The following RYR2 variants were observed in gnomAD, a reference collection of about 807,000 sequenced individuals.
RYR2 encodes cardiac muscle ryanodine receptor-calcium release channel.
RYR2 carries 227 observed loss-of-function variants against 601.1 expected under a neutral mutation model. The ratio of observed to expected loss-of-function variants is 0.38; its 90% CI spans 0.34 to 0.42. The LOEUF (loss-of-function observed/expected upper bound fraction) is 0.42, where lower values mean the gene tolerates loss of function less well. Ranked by LOEUF, RYR2 falls within the 10% of genes least tolerant of loss-of-function variation. RYR2 has a pLI of 1.00. For missense variants in RYR2, 4,646 were observed against 6,156.5 expected (o/e 0.75, Z 8.21); for synonymous variants, 2,223 against 2,175.1 (o/e 1.02, Z -0.61).
rs546099952 is a variant in RYR2, at chr1:237,758,111, G to A, written c.11325+335G>A. On this transcript the variant is annotated intron_variant, in intron 82 of 104. Transcript: ENST00000366574. ...GGAACCTGGCAGGGGTAACCAGCTC[G>A]TTCTGTTCCCAGAATAAGTGATTAT... Among the ~76,000 whole-genome samples the A allele has an allele frequency of 9.2e-5, 14 of 152,160 alleles. No individual in the cohort carries two copies. In the East Asian group the frequency reaches 2.3e-3, roughly 25 times the overall value.
chr1:237,102,507 A>G (rs948178562), intron 1 of RYR2, among the ~76,000 whole-genome samples: 1 of 152,146 alleles, frequency 6.6e-6, no homozygotes, highest in African/African-American at 2.4e-5. Context: ...GGAAATAAAC[A>G]CTCAGATGTT....
At chr1:237,500,997 A>G (rs1351930061) in intron 21 of RYR2, 94 bp downstream of exon 21, 1 of 1,210,900 alleles carries the variant, frequency 8.3e-7, no homozygotes, top group Non-Finnish European at 1.2e-6. Flanking sequence ...TTCTCTAACC[A>G]TTGTTTGTCT....
chr1:237,513,941 G>A (rs1046450757), intron 24 of RYR2, among the ~76,000 whole-genome samples: 1 of 152,136 alleles, frequency 6.6e-6, no homozygotes, highest in African/African-American at 2.4e-5. Flanking sequence ...ATTGAGCTTA[G>A]GGTCTACTAG....
intron 1 of RYR2, among the ~76,000 whole-genome samples, chr1:237,252,092 G>A (rs1687521299): frequency 6.6e-6 from 1 of 151,758 alleles, no homozygotes; most frequent in Non-Finnish European, 1.5e-5. Flanking sequence ...GGCTTCCTGA[G>A]TGGTTCTTTT....
chr1:237,591,485 C>G (rs1170899287), intron 31 of RYR2, among the ~76,000 whole-genome samples: 1 of 151,960 alleles, frequency 6.6e-6, no homozygotes, highest in African/African-American at 2.4e-5. Context: ...TTAGGCCAGA[C>G]AATTCTTTGT....
chr1:237,545,699 GCT>G (rs1669723522), intron 25 of RYR2, among the ~76,000 whole-genome samples: 1 of 151,796 alleles, frequency 6.6e-6, no homozygotes. Context: ...GACTATGCTA[GCT>G]TGATTACCTG....
At chr1:237,593,241 T>A (rs556517749) in intron 32 of RYR2, among the ~76,000 whole-genome samples, 1 of 152,316 alleles carries the variant, frequency 6.6e-6, no homozygotes, top group East Asian at 1.9e-4. Context: ...TCAGATCACA[T>A]CTTTTCTCTC....
Position 237,689,527 on chromosome 1 carries a change from T to G in RYR2, c.9067+2023T>G, listed in dbSNP as rs1055636408. Among the ~76,000 whole-genome samples, 4 of 152,318 alleles carry G rather than the reference T, an allele frequency of 2.6e-5. No individual in the cohort carries two copies. The East Asian group carries it at 7.7e-4, about 29-fold the overall frequency. ...TTGAAGATAAATGTATAATACAGTT[T>G]GTCATGCTTGTTAGGGGTGAAAAAC... On this transcript the variant is annotated intron_variant, in intron 63 of 104. Transcript: ENST00000366574.
intron 34 of RYR2, among the ~76,000 whole-genome samples, chr1:237,601,664 A>G (rs1312449724): frequency 6.6e-6 from 1 of 152,208 alleles, no homozygotes. Flanking sequence ...ATCATTACAC[A>G]ATGTATGCAA....
At chr1:237,175,909 T>C (rs1017186897) in intron 1 of RYR2, among the ~76,000 whole-genome samples, 2 of 152,188 alleles carry the variant, frequency 1.3e-5, no homozygotes, top group Admixed American at 1.3e-4. Flanking sequence ...TTAAACACAT[T>C]GTAGACGTGA....
At position 237,369,623 on chromosome 1, in the gene RYR2, G is replaced by T. The variant is rs762478429; in HGVS notation, c.384+15G>T. On this transcript the variant is annotated intron_variant, in intron 6 of 104. Coordinates refer to ENST00000366574, the MANE Select transcript of RYR2 (RefSeq NM_001035.3). Reference sequence around the variant, plus strand: ...ATAGTGGCATGGTGAGTAGGCATTTGATTTCATCTCCCTGTGGTCATGCTG... The same window carrying T: ...ATAGTGGCATGGTGAGTAGGCATTTTATTTCATCTCCCTGTGGTCATGCTG... 4 of 1,552,934 alleles carry T rather than the reference G, an allele frequency of 2.6e-6. No individual in the cohort carries two copies. The Admixed American group carries it at 7.8e-5, about 30-fold the overall frequency.
chr1:237,651,698 A>G (rs1682746278), intron 51 of RYR2, among the ~76,000 whole-genome samples, 197 bp downstream of exon 51: 1 of 152,236 alleles, frequency 6.6e-6, no homozygotes, highest in African/African-American at 2.4e-5. Flanking sequence ...TAGAAATCTT[A>G]ACATTGATTT....
chr1:237,252,435 C>G (rs1197311366), intron 1 of RYR2, among the ~76,000 whole-genome samples: 1 of 152,126 alleles, frequency 6.6e-6, no homozygotes, highest in African/African-American at 2.4e-5. Context: ...ATATATCCAC[C>G]TTGATCCTTC....
intron 24 of RYR2, among the ~76,000 whole-genome samples, chr1:237,515,804 TC>T (rs1666434186): frequency 7.4e-4 from 10 of 13,464 alleles, no homozygotes; most frequent in South Asian, 2.2e-3. Context: ...TTCTCCTCCT[TC>T]TCCTCCTCCT....
At chr1:237,631,842 A>G (rs370192066) in intron 42 of RYR2, among the ~76,000 whole-genome samples, 37 of 142,746 alleles carry the variant, frequency 2.6e-4, no homozygotes, top group Non-Finnish European at 2.4e-4. Flanking sequence ...GTTAGCCAGG[A>G]TGGTCTCGAT....
chr1:237,335,692 G>A (rs762036917), intron 3 of RYR2, among the ~76,000 whole-genome samples: 2 of 152,116 alleles, frequency 1.3e-5, no homozygotes, highest in Non-Finnish European at 2.9e-5. Flanking sequence ...ATTGTAGATT[G>A]AACTAGAGAA....
At chr1:237,413,295 A>G (rs983977846) in intron 10 of RYR2, among the ~76,000 whole-genome samples, 6 of 152,162 alleles carry the variant, frequency 3.9e-5, no homozygotes, top group African/African-American at 1.4e-4. Flanking sequence ...GGGCACAAGA[A>G]CCTTCAAGAT....
intron 10 of RYR2, among the ~76,000 whole-genome samples, chr1:237,397,648 G>T (rs796928966): frequency 6.6e-6 from 1 of 152,074 alleles, no homozygotes; most frequent in African/African-American, 2.4e-5. Flanking sequence ...CAGTACCCTG[G>T]GTCTGAGTGA....
At chr1:237,146,770 C>G (rs1222082376) in intron 1 of RYR2, among the ~76,000 whole-genome samples, 9 of 152,138 alleles carry the variant, frequency 5.9e-5, no homozygotes, top group Admixed American at 1.3e-4. Context: ...TTACCCTCAT[C>G]TATTCTAGTA....
Sources: gnomAD v4.1 joint callset for allele counts (sites outside exome capture counted in the v4.1 genomes callset) on GRCh38, gnomAD v4.1.1 for gene constraint, MANE v1.5 for transcripts, NCBI Gene and HGNC (gene_info 2026-07-23, HGNC 2026-07-21) for gene names.